Variants in CCL8 observed in about 807,000 individuals in gnomAD.
The protein encoded by CCL8 is C-C motif chemokine 8.
CCL8 carries 3 observed loss-of-function variants against 6.6 expected under a neutral mutation model. The ratio of observed to expected loss-of-function variants is 0.45; its 90% confidence interval spans 0.21 to 1.17. CCL8 has a LOEUF of 1.17. CCL8 is among the 50% of genes most tolerant of loss of function. CCL8 has a pLI of 0.24. For synonymous variants in CCL8, 49 were observed against 41.8 expected, an observed-to-expected ratio of 1.17 and a Z score of -0.67; for missense variants, 127 against 118.1, an observed-to-expected ratio of 1.08 and a Z score of -0.35.
intron 2 of CCL8, 114 bp downstream of exon 2, chr17:34,320,500 T>G: frequency 1.4e-6 from 1 of 721,960 alleles, no homozygotes; most frequent in Non-Finnish European, 2.5e-6. Flanking sequence ...AAAGGGCCCC[T>G]CTACCCCATA....
In CCL8 at chr17:34,320,839, C is replaced by A; in HGVS notation, c.232C>A (p.Pro78Thr). Residue 78 changes from proline to threonine, a missense_variant, in exon 3 of 3, where the codon CCC (proline) becomes ACC (threonine). By Grantham distance (38) the Pro-to-Thr change is conservative. Transcript: ENST00000394620. ...TKRGKEVCAD[P>T]KERWVRDSMK... is the part of the protein sequence containing the mutation. ...ACGGGGCAAGGAGGTCTGTGCTGAC[C>A]CCAAGGAGAGATGGGTCAGGGATTC... 6.2e-7 allele frequency: 1 copy of A among 1,611,172 alleles called. No homozygotes were observed. Among genetic ancestry groups the A allele is most frequent in the Admixed American group, 1.7e-5 (1 of 59,344 alleles).
rs34748563 is a variant in CCL8, at chr17:34,320,066, C to T, written c.77-203C>T. Among the ~76,000 whole-genome samples, 313 of 152,272 alleles carry T rather than the reference C, an allele frequency of 2.1e-3. 4 individuals carry two copies. The highest frequency in any genetic ancestry group is 7.3e-3 in the African/African-American group (302 of 41,554). On this transcript the variant is annotated intron_variant, in intron 1 of 2. Coordinates refer to ENST00000394620, the MANE Select transcript of CCL8 (RefSeq NM_005623.3). Reference sequence around the variant, plus strand: ...GACTAGCTTGTTACTCAAAATGTTTCCAAACCCAGTCAACAATGACGGGCC... The same window carrying T: ...GACTAGCTTGTTACTCAAAATGTTTTCAAACCCAGTCAACAATGACGGGCC...
In CCL8 at chr17:34,320,863, T is replaced by C. The variant is rs745994834; in HGVS notation, c.256T>C (p.Ser86Pro). 1.2e-6 allele frequency: 2 copies of C among 1,611,978 alleles called. No homozygotes were observed. Among genetic ancestry groups the C allele is most frequent in the South Asian group, 1.1e-5 (1 of 90,850 alleles). Residue 86 changes from serine to proline, a missense_variant, in exon 3 of 3, where the codon TCC becomes CCC. Ser to Pro is a moderately conservative substitution (Grantham distance 74, BLOSUM62 -1). Transcript: ENST00000394620. Reference protein sequence around the residue: ...ADPKERWVRDSMKHLDQIFQN... With the variant: ...ADPKERWVRDPMKHLDQIFQN... ...CCCCAAGGAGAGATGGGTCAGGGATTCCATGAAGCATCTGGACCAAATATT... is the reference window on the plus strand; with the variant it reads ...CCCCAAGGAGAGATGGGTCAGGGATCCCATGAAGCATCTGGACCAAATATT...
intron 1 of CCL8, among the ~76,000 whole-genome samples, chr17:34,319,983 G>C (rs1353610961): frequency 6.6e-6 from 1 of 152,180 alleles, no homozygotes; most frequent in Non-Finnish European, 1.5e-5. Flanking sequence ...GAAAGACTGG[G>C]AAGCAAGGTA....
rs527538840 is a variant in CCL8, at chr17:34,320,924, T to G, written c.*17T>G. ...AAGCCATGAGCCTTCATACATGGAC[T>G]GAGAGTCAGAGCTTGAAGAAAAGCT... On this transcript the variant is annotated 3_prime_UTR_variant, in exon 3 of 3. Coordinates refer to ENST00000394620, the MANE Select transcript of CCL8 (RefSeq NM_005623.3). 1.3e-6 allele frequency: 2 copies of G among 1,516,788 alleles called. No individual in the cohort carries two copies. The highest frequency in any genetic ancestry group is 3.6e-5 in the Admixed American group (2 of 55,736). The allele number at this position is 1,516,788 out of a possible 1,614,324, so 94.0% of individuals were successfully genotyped here. A position where few individuals can be genotyped will look rare whatever the true frequency, so the allele number is the denominator to read the frequency against.
chr17:34,319,882 G>A (rs529224975), intron 1 of CCL8, among the ~76,000 whole-genome samples: 3 of 152,186 alleles, frequency 2.0e-5, no homozygotes, highest in Non-Finnish European at 4.4e-5. Flanking sequence ...ATGGTTCAGT[G>A]TACCTTCCAG....
chr17:34,321,043 T>C lies in CCL8; in HGVS notation c.*136T>C. ...TATTTTTAAATAATTTAAAGCATAA[T>C]ATTTCTTAAAAAGTATTTAATTATA... On this transcript the variant is annotated 3_prime_UTR_variant, in exon 3 of 3. Transcript: ENST00000394620. The C allele has an allele frequency of 1.7e-6, 1 of 582,854 alleles. No individual in the cohort carries two copies. Among genetic ancestry groups the C allele is most frequent in the Non-Finnish European group, 3.0e-6 (1 of 335,336 alleles). 36.1% of individuals were successfully genotyped at this position (582,854 alleles called of 1,614,324 possible).
Position 34,320,815 on chromosome 17 carries a change from C to A in CCL8, c.208C>A (p.Arg70=), listed in dbSNP as rs201283546. 35 of 1,603,444 alleles carry A rather than the reference C, an allele frequency of 2.2e-5. No homozygotes were observed. The African/African-American group carries it at 2.3e-4, about 10-fold the overall frequency. ...TCTCCCCCACAGCTTCAAGACCAAACGGGGCAAGGAGGTCTGTGCTGACCC... is the reference window on the plus strand; with the variant it reads ...TCTCCCCCACAGCTTCAAGACCAAAAGGGGCAAGGAGGTCTGTGCTGACCC... ...PKEAVIFKTK[R]GKEVCADPKE... The change falls in exon 3 of 3, where the codon CGG becomes AGG. Residue 70 remains arginine, a synonymous_variant. Coordinates refer to ENST00000394620, the MANE Select transcript of CCL8 (RefSeq NM_005623.3).
Position 34,320,822 on chromosome 17 carries a change from A to G in CCL8, c.215A>G (p.Lys72Arg). The change falls in exon 3 of 3, where the codon AAG (lysine) becomes AGG (arginine). Residue 72 changes from lysine to arginine, a missense_variant. Physicochemically the swap from Lys to Arg is conservative, Grantham distance 26. Transcript: ENST00000394620. ...CACAGCTTCAAGACCAAACGGGGCAAGGAGGTCTGTGCTGACCCCAAGGAG... is the reference window on the plus strand; with the variant it reads ...CACAGCTTCAAGACCAAACGGGGCAGGGAGGTCTGTGCTGACCCCAAGGAG... ...EAVIFKTKRG[K>R]EVCADPKERW... 1 of 1,607,284 alleles carries G rather than the reference A, an allele frequency of 6.2e-7. No individual in the cohort carries two copies. Among genetic ancestry groups the G allele is most frequent in the Non-Finnish European group, 8.5e-7 (1 of 1,177,754 alleles).
chr17:34,320,586 A>C (rs1210492208), intron 2 of CCL8, among the ~76,000 whole-genome samples, 200 bp downstream of exon 2: 1 of 152,180 alleles, frequency 6.6e-6, no homozygotes, highest in Non-Finnish European at 1.5e-5. Context: ...AACTAACCCA[A>C]TATCTGTAGC....
intron 1 of CCL8, 107 bp downstream of exon 1, chr17:34,319,684 GGCTGGTTC>G: frequency 1.2e-6 from 1 of 840,148 alleles, no homozygotes; most frequent in Non-Finnish European, 1.9e-6. Flanking sequence ...AGGTCACTGA[GGCTGGTTC>G]CCTTGATCTT....
At chr17:34,319,932 C>T (rs1909470060) in intron 1 of CCL8, among the ~76,000 whole-genome samples, 1 of 152,124 alleles carries the variant, frequency 6.6e-6, no homozygotes, top group Admixed American at 6.6e-5. Flanking sequence ...CCAGAGGAAT[C>T]TCAGCGTATG....
Position 34,320,974 on chromosome 17 carries a change from A to G in CCL8, c.*67A>G. 1 of 871,340 alleles carries G rather than the reference A, an allele frequency of 1.1e-6. No homozygotes were observed. The highest frequency in any genetic ancestry group is 1.8e-6 in the Non-Finnish European group (1 of 544,808). The allele number at this position is 871,340 out of a possible 1,614,324, so 54.0% of individuals were successfully genotyped here. A position where few individuals can be genotyped will look rare whatever the true frequency, so the allele number is the denominator to read the frequency against. On this transcript the variant is annotated 3_prime_UTR_variant, in exon 3 of 3. Coordinates refer to ENST00000394620, the MANE Select transcript of CCL8 (RefSeq NM_005623.3). ...TTATTTATTTTCCCCAACCTCCCCCAGGTGCAGTGTGACATTATTTTATTA... is the reference window on the plus strand; with the variant it reads ...TTATTTATTTTCCCCAACCTCCCCCGGGTGCAGTGTGACATTATTTTATTA...
chr17:34,320,607 G>A lies in CCL8; in HGVS notation c.195-195G>A, dbSNP rs1361443807. On this transcript the variant is annotated intron_variant, in intron 2 of 2. Transcript: ENST00000394620. ...CCCAATATCTGTAGCCAGGACCCTG[G>A]AGGGTTTCACCTGGACAGCAAGAGC... 2.0e-5 allele frequency among the ~76,000 whole-genome samples: 3 copies of A among 152,212 alleles called. No individual in the cohort carries two copies. The South Asian group carries it at 6.2e-4, about 32-fold the overall frequency.
chr17:34,320,716 C>T, intron 2 of CCL8, 86 bp from the exon 3 acceptor site: 1 of 829,800 alleles, frequency 1.2e-6, no homozygotes, highest in African/African-American at 1.7e-5. Context: ...GGACCAAGGG[C>T]TGATCAGTTC....
rs199534921 is a variant in CCL8 at position 34,320,797 on chromosome 17, C to T, written c.195-5C>T. 1.3e-5 allele frequency: 20 copies of T among 1,588,156 alleles called. No individual in the cohort carries two copies. The highest frequency in any genetic ancestry group is 4.1e-5 in the African/African-American group (3 of 73,826). On this transcript the variant is annotated splice_region_variant and splice_polypyrimidine_tract_variant and intron_variant, in intron 2 of 2. Coordinates refer to ENST00000394620, the MANE Select transcript of CCL8 (RefSeq NM_005623.3). ...CCATCTAATTGTGCCCTCTCTCCCC[C>T]ACAGCTTCAAGACCAAACGGGGCAA...
intron 1 of CCL8, 97 bp downstream of exon 1, chr17:34,319,674 A>C: frequency 1.1e-6 from 1 of 901,162 alleles, no homozygotes; most frequent in Non-Finnish European, 1.7e-6. Context: ...CTAAAGGCTC[A>C]GGTCACTGAG....
rs1909513740 is a variant in CCL8, at chr17:34,321,143, T to TTTTTTG, written c.*247_*252dup. 10 of 408,554 alleles carry TTTTTTG rather than the reference T, an allele frequency of 2.4e-5. No individual in the cohort carries two copies. The highest frequency in any genetic ancestry group is 1.9e-4 in the Admixed American group (4 of 21,032). 25.3% of individuals were successfully genotyped at this position (408,554 alleles called of 1,614,324 possible). A position where few individuals can be genotyped will look rare whatever the true frequency, so the allele number is the denominator to read the frequency against. On this transcript the variant is annotated 3_prime_UTR_variant, in exon 3 of 3. Transcript: ENST00000394620. Reference sequence around the variant, plus strand: ...TAAAATGCAAAATCCTGGTGATGTGTTTTTTGTTTTTGTTTTCCTGTGAGC... The same window carrying TTTTTTG: ...TAAAATGCAAAATCCTGGTGATGTGTTTTTTGTTTTTGTTTTTGTTTTCCTGTGAGC...
intron 2 of CCL8, 77 bp from the exon 3 acceptor site, chr17:34,320,725 T>C (rs3138037): frequency 0.17 from 155,019 of 928,320 alleles, 15,374 homozygotes; most frequent in South Asian, 0.35. Context: ...GCTGATCAGT[T>C]CTAGGGACCA....
Sources: allele counts gnomAD v4.1 joint callset (sites outside exome capture counted in the v4.1 genomes callset), GRCh38; gene constraint gnomAD v4.1.1; transcripts MANE v1.5; gene names NCBI Gene and HGNC (gene_info 2026-07-23, HGNC 2026-07-21).